Variants in BICRA observed in about 807,000 individuals in gnomAD.
BICRA encodes the protein BRD4-interacting chromatin-remodeling complex-associated protein.
Under a neutral mutation model 96.9 loss-of-function variants are expected in BICRA, and 31 were observed. The ratio of observed to expected loss-of-function variants is 0.32; its 90% CI spans 0.24 to 0.43. The LOEUF is 0.43. Ranked by LOEUF, BICRA falls within the 20% of genes least tolerant of loss-of-function variation. The pLI is 1.00. For synonymous variants in BICRA, 1,350 were observed against 1,071.8 expected, an observed-to-expected ratio of 1.26 and a Z score of -5.07; for missense variants, 2,283 against 2,190.3, an observed-to-expected ratio of 1.04 and a Z score of -0.84.
intron 1 of BICRA, among the ~76,000 whole-genome samples, chr19:47,631,866 C>A (rs1972226766): frequency 1.3e-5 from 2 of 152,158 alleles, no homozygotes; most frequent in South Asian, 4.1e-4. Context: ...CCAGGCTGGT[C>A]TCAAAGTCGT....
intron 1 of BICRA, among the ~76,000 whole-genome samples, chr19:47,658,013 C>T (rs757657149): frequency 1.1e-4 from 17 of 151,870 alleles, no homozygotes; most frequent in Non-Finnish European, 2.1e-4. Context: ...ATGGCTGCTG[C>T]GGCACCAGTC....
In BICRA at chr19:47,702,039, A is replaced by G; in HGVS notation, c.4307A>G (p.Glu1436Gly). 6.7e-7 allele frequency: 1 copy of G among 1,492,904 alleles called. No homozygotes were observed. The highest frequency in any genetic ancestry group is 1.3e-5 in the South Asian group (1 of 79,134). 92.5% of individuals were successfully genotyped at this position (1,492,904 alleles called of 1,614,324 possible). The change falls in exon 15 of 15, where the codon GAG (glutamate) becomes GGG (glycine). Residue 1436 changes from glutamate (E) to glycine (G), a missense_variant. By Grantham distance (98) the Glu-to-Gly change is moderately conservative. Coordinates refer to ENST00000594866, the MANE Select transcript of BICRA (RefSeq NM_001394372.1). ...SGLIRELAAV[E>G]DELYQRMLKG... ...CTCATCCGCGAGCTGGCGGCCGTGG[A>G]GGACGAGCTGTACCAGCGTATGCTG...
At chr19:47,668,215 T>TG (rs927614219) in intron 1 of BICRA, among the ~76,000 whole-genome samples, 7 of 152,286 alleles carry the variant, frequency 4.6e-5, no homozygotes, top group African/African-American at 1.7e-4. Flanking sequence ...CAGCACATAG[T>TG]GGGCCCGCAG....
chr19:47,671,440 C>T (rs186214056), intron 2 of BICRA, among the ~76,000 whole-genome samples: 6 of 152,316 alleles, frequency 3.9e-5, no homozygotes, highest in East Asian at 3.9e-4. Context: ...GGGAACTCCA[C>T]GGTCCTGAGC....
chr19:47,673,420 G>A, intron 2 of BICRA, 150 bp from the exon 3 acceptor site: 1 of 663,044 alleles, frequency 1.5e-6, no homozygotes, highest in Non-Finnish European at 2.7e-6. Context: ...GCACCTGGGA[G>A]GTATTCCTTG....
Position 47,680,262 on chromosome 19 carries a change from C to T in BICRA, c.1092C>T (p.Tyr364=), listed in dbSNP as rs756807180. ...CGGGGGTGCTGCCGCCCAAGCTCTA[C>T]CAGCTGACGCCCAAGCCGTTTGCGC... is the stretch of plus-strand genomic sequence containing the variant. The part of the protein sequence containing the change: ...KPAGVLPPKL[Y]QLTPKPFAPA... Residue 364 remains tyrosine, a synonymous_variant, in exon 6 of 15, where the codon TAC becomes TAT. Coordinates refer to ENST00000594866, the MANE Select transcript of BICRA (RefSeq NM_001394372.1). 1.9e-6 allele frequency: 3 copies of T among 1,561,232 alleles called. No homozygotes were observed. Among genetic ancestry groups the T allele is most frequent in the Middle Eastern group, 1.7e-4 (1 of 6,010 alleles).
intron 1 of BICRA, among the ~76,000 whole-genome samples, chr19:47,655,129 A>G (rs577801588): frequency 1.3e-5 from 2 of 152,202 alleles, no homozygotes; most frequent in South Asian, 4.1e-4. Flanking sequence ...GCAACGCCAC[A>G]CCCTGCTTTC....
intron 11 of BICRA, among the ~76,000 whole-genome samples, chr19:47,696,907 G>C (rs1241681492): frequency 6.6e-6 from 1 of 151,942 alleles, no homozygotes; most frequent in Non-Finnish European, 1.5e-5. Context: ...GGGTGTTTGG[G>C]GATGGATGGA....
intron 6 of BICRA, among the ~76,000 whole-genome samples, chr19:47,681,535 T>G (rs1033232775): frequency 2.0e-5 from 3 of 152,008 alleles, no homozygotes; most frequent in Admixed American, 2.0e-4. Context: ...TGAGAGGGAC[T>G]GGCAGACAGA....
intron 7 of BICRA, among the ~76,000 whole-genome samples, chr19:47,691,329 A>G (rs1485423969): frequency 6.6e-6 from 1 of 152,212 alleles, no homozygotes; most frequent in Non-Finnish European, 1.5e-5. Context: ...GAAGTGTCAT[A>G]TAATCACTTC....
intron 6 of BICRA, among the ~76,000 whole-genome samples, chr19:47,681,624 C>T (rs1219598806): frequency 2.6e-5 from 4 of 151,604 alleles, no homozygotes; most frequent in East Asian, 3.9e-4. Context: ...GGAGAGGGAC[C>T]GGCAGGGAGA....
chr19:47,636,799 C>T (rs752690295), intron 1 of BICRA, among the ~76,000 whole-genome samples: 11 of 152,314 alleles, frequency 7.2e-5, no homozygotes, highest in Middle Eastern at 3.4e-3. Context: ...TGAGCCACTG[C>T]ACCCAGCCTG....
chr19:47,639,319 A>ATTTCTT (rs1972348198), intron 1 of BICRA, among the ~76,000 whole-genome samples: 1 of 52,366 alleles, frequency 1.9e-5, no homozygotes, highest in African/African-American at 8.7e-5. Context: ...CCCACCCTGC[A>ATTTCTT]TTTTTTTTTT....
At chr19:47,619,287 T>C (rs1049141287) in intron 1 of BICRA, among the ~76,000 whole-genome samples, 9 of 151,476 alleles carry the variant, frequency 5.9e-5, no homozygotes, top group African/African-American at 2.2e-4. Context: ...TCTCGCTGTT[T>C]CGCTCTGTCC....
intron 5 of BICRA, among the ~76,000 whole-genome samples, chr19:47,678,142 G>T (rs1354359908): frequency 6.6e-6 from 1 of 152,104 alleles, no homozygotes; most frequent in Non-Finnish European, 1.5e-5. Context: ...TTGAGATGGA[G>T]TCTCACTCTG....
At chr19:47,636,648 T>C (rs1972304457) in intron 1 of BICRA, among the ~76,000 whole-genome samples, 1 of 152,122 alleles carries the variant, frequency 6.6e-6, no homozygotes. Flanking sequence ...GCTAGGATTA[T>C]AGGCGTGCAC....
At chr19:47,686,699 A>G (rs1169835204) in intron 7 of BICRA, among the ~76,000 whole-genome samples, 1 of 152,108 alleles carries the variant, frequency 6.6e-6, no homozygotes, top group African/African-American at 2.4e-5. Flanking sequence ...TGTTCTTTTT[A>G]AGTGCTGGTT....
chr19:47,681,458 A>G (rs895877243), intron 6 of BICRA, among the ~76,000 whole-genome samples, 182 bp downstream of exon 6: 1 of 152,170 alleles, frequency 6.6e-6, no homozygotes, highest in African/African-American at 2.4e-5. Flanking sequence ...CCCTGGCTGA[A>G]CTGGCAGGAA....
intron 1 of BICRA, among the ~76,000 whole-genome samples, chr19:47,613,834 C>T (rs562407466): frequency 6.6e-6 from 1 of 152,152 alleles, no homozygotes; most frequent in South Asian, 2.1e-4. Context: ...CTCAGTGACA[C>T]GCAAGTTTCC....
Sources: gnomAD v4.1 joint callset for allele counts (sites outside exome capture counted in the v4.1 genomes callset) on GRCh38, gnomAD v4.1.1 for gene constraint, MANE v1.5 for transcripts, NCBI Gene and HGNC (gene_info 2026-07-23, HGNC 2026-07-21) for gene names.